Variants in GALNT17 observed in about 807,000 individuals in gnomAD.
GALNT17 encodes the protein polypeptide N-acetylgalactosaminyltransferase 17.
A neutral mutation model predicts 63.7 loss-of-function variants in GALNT17; 29 were observed. That is an observed-to-expected ratio of 0.46 (90% CI 0.34 to 0.62). GALNT17 has a LOEUF of 0.62. Among genes scored for constraint, GALNT17 ranks in the 20% least tolerant of loss-of-function variants. The probability of loss-of-function intolerance (pLI) is 0.01; values close to 1 mark genes in which losing one functional copy is unlikely to be tolerated. For missense variants in GALNT17, 603 were observed against 799.6 expected (o/e 0.75, Z 2.97); for synonymous variants, 305 against 318.3 (o/e 0.96, Z 0.45).
chr7:71,694,767 T>C (rs1791515650), intron 9 of GALNT17, among the ~76,000 whole-genome samples: 1 of 152,136 alleles, frequency 6.6e-6, no homozygotes, highest in African/African-American at 2.4e-5. Context: ...GGCCATAAAA[T>C]CATTAAGTAG....
chr7:71,531,811 A>G (rs1405442480), intron 5 of GALNT17, among the ~76,000 whole-genome samples: 4 of 152,180 alleles, frequency 2.6e-5, no homozygotes, highest in African/African-American at 9.6e-5. Context: ...GACAGAAGCC[A>G]AGCTAGGCAT....
intron 5 of GALNT17, among the ~76,000 whole-genome samples, chr7:71,453,522 A>T (rs1787303953): frequency 1.3e-5 from 2 of 152,278 alleles, no homozygotes; most frequent in Admixed American, 6.5e-5. Flanking sequence ...ATTCACTACC[A>T]TGAGAGCAGG....
At chr7:71,133,137 G>C (rs774173914) in intron 1 of GALNT17, 97 bp downstream of exon 1, 46 of 1,123,830 alleles carry the variant, frequency 4.1e-5, no homozygotes, top group Non-Finnish European at 5.4e-5. Flanking sequence ...GTGCCTGGGA[G>C]CCGGCACACC....
intron 5 of GALNT17, among the ~76,000 whole-genome samples, chr7:71,530,710 G>C (rs572345337): frequency 9.9e-5 from 15 of 152,088 alleles, no homozygotes; most frequent in African/African-American, 1.4e-4. Flanking sequence ...TGGGACTACA[G>C]GCGCCCGCCT....
At chr7:71,343,988 C>T (rs879902139) in intron 2 of GALNT17, among the ~76,000 whole-genome samples, 2 of 151,784 alleles carry the variant, frequency 1.3e-5, no homozygotes, top group African/African-American at 2.4e-5. Context: ...ACTAAAGTCT[C>T]CAATCTGCCA....
intron 1 of GALNT17, among the ~76,000 whole-genome samples, chr7:71,160,613 C>G (rs1788324751): frequency 6.6e-6 from 1 of 151,982 alleles, no homozygotes; most frequent in Non-Finnish European, 1.5e-5. Context: ...TGCCTGCTAC[C>G]ATGCCTGGCT....
At chr7:71,306,193 A>G (rs1053257459) in intron 1 of GALNT17, among the ~76,000 whole-genome samples, 28 of 152,214 alleles carry the variant, frequency 1.8e-4, no homozygotes, top group Non-Finnish European at 2.9e-4. Flanking sequence ...GCACTCCAGC[A>G]TGGGTGACAG....
chr7:71,696,181 T>C (rs1384157323), intron 9 of GALNT17, among the ~76,000 whole-genome samples: 2 of 152,172 alleles, frequency 1.3e-5, no homozygotes, highest in African/African-American at 4.8e-5. Context: ...GGTGCAGTCA[T>C]AGTTCACTGC....
chr7:71,303,298 TG>T, intron 1 of GALNT17, among the ~76,000 whole-genome samples: 1 of 152,086 alleles, frequency 6.6e-6, no homozygotes, highest in African/African-American at 2.4e-5. Flanking sequence ...AGACTATAGG[TG>T]AACACCACTA....
At chr7:71,344,781 A>T (rs1792061268) in intron 2 of GALNT17, among the ~76,000 whole-genome samples, 1 of 152,176 alleles carries the variant, frequency 6.6e-6, no homozygotes, top group Non-Finnish European at 1.5e-5. Context: ...CCTGTAACAA[A>T]CTAAGGACTA....
At chr7:71,399,951 G>A (rs1444469748) in intron 3 of GALNT17, among the ~76,000 whole-genome samples, 2 of 151,820 alleles carry the variant, frequency 1.3e-5, no homozygotes, top group Non-Finnish European at 2.9e-5. Context: ...TTTTTTATTG[G>A]AGTATTTATC....
At chr7:71,500,396 A>G (rs551831358) in intron 5 of GALNT17, among the ~76,000 whole-genome samples, 2 of 152,286 alleles carry the variant, frequency 1.3e-5, no homozygotes, top group Non-Finnish European at 2.9e-5. Context: ...GGCAGACCCT[A>G]TTCGTGGTCC....
At chr7:71,647,028 G>A (rs984178539) in intron 6 of GALNT17, among the ~76,000 whole-genome samples, 6 of 150,980 alleles carry the variant, frequency 4.0e-5, no homozygotes, top group African/African-American at 1.5e-4. Flanking sequence ...TTACAGGCTT[G>A]AGCCACCGCC....
chr7:71,146,004 C>T (rs972658641), intron 1 of GALNT17, among the ~76,000 whole-genome samples: 1 of 152,160 alleles, frequency 6.6e-6, no homozygotes, highest in Non-Finnish European at 1.5e-5. Context: ...CCGTACGGGG[C>T]CCGTATGGGT....
intron 2 of GALNT17, among the ~76,000 whole-genome samples, chr7:71,382,693 G>A (rs901514730): frequency 2.6e-5 from 4 of 152,166 alleles, no homozygotes; most frequent in Non-Finnish European, 5.9e-5. Flanking sequence ...CTGATGAGGT[G>A]TGACACCGCA....
chr7:71,292,556 T>C (rs747446926), intron 1 of GALNT17, among the ~76,000 whole-genome samples: 16 of 152,118 alleles, frequency 1.1e-4, no homozygotes, highest in Non-Finnish European at 1.6e-4. Flanking sequence ...TGTATTGATA[T>C]ATGCATACAT....
At chr7:71,527,173 G>A (rs1788638244) in intron 5 of GALNT17, among the ~76,000 whole-genome samples, 2 of 152,076 alleles carry the variant, frequency 1.3e-5, no homozygotes, top group Non-Finnish European at 2.9e-5. Flanking sequence ...AATGAATGAA[G>A]TTAATTCAGG....
chr7:71,211,205 G>C (rs1292537601), intron 1 of GALNT17, among the ~76,000 whole-genome samples: 3 of 151,488 alleles, frequency 2.0e-5, no homozygotes, highest in African/African-American at 7.4e-5. Flanking sequence ...TTGTGGGAGG[G>C]ACCCAGGGGG....
Position 71,335,702 on chromosome 7 carries a change from G to T in GALNT17, c.391G>T (p.Asp131Tyr). ...ATACCTCAGTGAAAAAATTTCACTG[G>T]ACCGTTCCATTCCGGATTATCGTCC... ...NSYLSEKISL[D>Y]RSIPDYRPTK... is the part of the protein sequence containing the mutation. Residue 131 changes from aspartate (D) to tyrosine (Y), a missense_variant, in exon 2 of 11, where the codon GAC becomes TAC. Physicochemically the swap from Asp to Tyr is radical, Grantham distance 160. Coordinates refer to ENST00000333538, the MANE Select transcript of GALNT17 (RefSeq NM_022479.3). 1 of 1,610,050 alleles carries T rather than the reference G, an allele frequency of 6.2e-7. No individual in the cohort carries two copies. Among genetic ancestry groups the T allele is most frequent in the Non-Finnish European group, 8.5e-7 (1 of 1,178,418 alleles).
Sources: gnomAD v4.1 joint callset for allele counts (sites outside exome capture counted in the v4.1 genomes callset) on GRCh38, gnomAD v4.1.1 for gene constraint, MANE v1.5 for transcripts, NCBI Gene and HGNC (gene_info 2026-07-23, HGNC 2026-07-21) for gene names.